The following SPTA1 variants were observed in gnomAD, a reference collection of about 807,000 sequenced individuals.
SPTA1 encodes the protein spectrin alpha, erythrocytic 1, also known as spectrin alpha chain, erythrocytic 1.
In SPTA1, 177 loss-of-function variants were observed where a neutral mutation model predicts 324.7. The ratio of observed to expected loss-of-function variants is 0.55; its 90% CI spans 0.48 to 0.62. SPTA1 has a LOEUF of 0.62. Among genes scored for constraint, SPTA1 ranks in the 20% least tolerant of loss-of-function variants. SPTA1 has a pLI of 0.00. For missense variants in SPTA1, 3,162 were observed against 2,883.6 expected (o/e 1.10, Z -2.21); for synonymous variants, 1,195 against 1,041.3 (o/e 1.15, Z -2.84).
rs1365190741 is a variant in SPTA1, at chr1:158,636,517, GACTA to G, written c.5310+120_5310+123del. ...AGAAAAGAATATTTGTAAACTCTTTGACTAACTCTCTCTGACCTTGACATCCTAT... is the reference window on the plus strand; with the variant it reads ...AGAAAAGAATATTTGTAAACTCTTTGACTCTCTCTGACCTTGACATCCTAT... On this transcript the variant is annotated intron_variant, in intron 37 of 51. Transcript: ENST00000643759. 4.5e-6 allele frequency: 5 copies of G among 1,114,212 alleles called. No individual in the cohort carries two copies. The African/African-American group carries it at 4.7e-5, about 10-fold the overall frequency. The allele number at this position is 1,114,212 out of a possible 1,614,324, so 69.0% of individuals were successfully genotyped here. A position where few individuals can be genotyped will look rare whatever the true frequency, so the allele number is the denominator to read the frequency against.
In SPTA1 at chr1:158,678,460, A is replaced by T. The variant is rs774203188; in HGVS notation, c.753T>A (p.Gly251=). 7 of 1,613,678 alleles carry T rather than the reference A, an allele frequency of 4.3e-6. No homozygotes were observed. In the South Asian group the frequency reaches 7.7e-5, roughly 18 times the overall value. ...EVNAAWERLR[G]LALQRQKALS... The stretch of plus-strand genomic sequence containing the variant: ...GAGCTTTCTGTCTCTGGAGAGCCAA[A>T]CCACGAAGGCGCTCCCAGGCAGCAT... Residue 251 remains glycine (G), a synonymous_variant, in exon 6 of 52, where the codon GGT becomes GGA. Transcript: ENST00000643759.
chr1:158,648,729 T>G, intron 25 of SPTA1, 76 bp from the exon 26 acceptor site: 1 of 1,528,844 alleles, frequency 6.5e-7, no homozygotes, highest in Non-Finnish European at 8.9e-7. Context: ...CACAAGAAAG[T>G]TATCATCACT....
chr1:158,617,912 T>G (rs1649658199), intron 46 of SPTA1, 127 bp downstream of exon 46: 2 of 947,242 alleles, frequency 2.1e-6, no homozygotes, highest in South Asian at 2.8e-5. Context: ...TCCTTCTCAC[T>G]CCACATTTTT....
chr1:158,613,689 T>C (rs1364123938), intron 50 of SPTA1, 32 bp downstream of exon 50: 4 of 1,613,384 alleles, frequency 2.5e-6, no homozygotes, highest in African/African-American at 1.3e-5. Context: ...CCCCCATCCC[T>C]GCTGCGGTCT....
At chr1:158,641,935 A>T (rs900875194) in intron 33 of SPTA1, among the ~76,000 whole-genome samples, 1 of 152,258 alleles carries the variant, frequency 6.6e-6, no homozygotes, top group African/African-American at 2.4e-5. Context: ...GGTAGACTGG[A>T]TTAAGAAAAT....
Position 158,620,229 on chromosome 1 carries a change from T to A in SPTA1, c.6358A>T (p.Thr2120Ser). The change falls in exon 44 of 52, where the codon ACC becomes TCC. Residue 2120 changes from threonine to serine, a missense_variant. Physicochemically the swap from Thr to Ser is moderately conservative, Grantham distance 58. Transcript: ENST00000643759. ...KALGVPSSPYTWLTVEVLERT... is the reference protein window; with the variant it reads ...KALGVPSSPYSWLTVEVLERT... The stretch of plus-strand genomic sequence containing the variant: ...TCCAGCACCTCCACTGTTAACCAGG[T>A]ATAAGGGCTGGAAGGCACACCTAAG... 6.2e-7 allele frequency: 1 copy of A among 1,614,134 alleles called. No homozygotes were observed. The highest frequency in any genetic ancestry group is 8.5e-7 in the Non-Finnish European group (1 of 1,180,020).
chr1:158,639,251 T>C, intron 35 of SPTA1: 1 of 307,426 alleles, frequency 3.3e-6, no homozygotes, highest in Non-Finnish European at 6.2e-6. Context: ...TTCTATAAAG[T>C]AAACTTCCAC....
intron 4 of SPTA1, 112 bp downstream of exon 4, chr1:158,681,415 G>T: frequency 6.4e-7 from 1 of 1,555,820 alleles, no homozygotes. Context: ...AAAGAACAAA[G>T]CCAGGAACAG....
At chr1:158,634,308 T>G (rs1650899129) in intron 39 of SPTA1, among the ~76,000 whole-genome samples, 2 of 152,206 alleles carry the variant, frequency 1.3e-5, no homozygotes, top group Admixed American at 1.3e-4. Context: ...GATCACAGAT[T>G]ATGGAATTAA....
Position 158,651,362 on chromosome 1 carries a change from G to A in SPTA1, c.3477+5C>T. The A allele has an allele frequency of 1.2e-6, 2 of 1,607,656 alleles. No homozygotes were observed. Among genetic ancestry groups the A allele is most frequent in the South Asian group, 1.1e-5 (1 of 90,930 alleles). ...GTGAGGAGGAATGGAGGGAGCCTTAGTTACCTGCCGGATTTGAGCTCCTTC... is the reference window on the plus strand; with the variant it reads ...GTGAGGAGGAATGGAGGGAGCCTTAATTACCTGCCGGATTTGAGCTCCTTC... On this transcript the variant is annotated splice_donor_5th_base_variant and intron_variant, in intron 24 of 51. Transcript: ENST00000643759.
intron 5 of SPTA1, among the ~76,000 whole-genome samples, chr1:158,680,246 A>C (rs1215790461): frequency 6.6e-6 from 1 of 152,142 alleles, no homozygotes; most frequent in Non-Finnish European, 1.5e-5. Context: ...TTTTTCATGA[A>C]GAAAGAGTGC....
chr1:158,631,563 T>C (rs182201777), intron 39 of SPTA1, among the ~76,000 whole-genome samples: 139 of 152,162 alleles, frequency 9.1e-4, no homozygotes, highest in Admixed American at 3.3e-3. Context: ...AAAGAACTTA[T>C]CCATATAACC....
At chr1:158,638,791 C>T (rs1383339184) in intron 35 of SPTA1, among the ~76,000 whole-genome samples, 2 of 147,296 alleles carry the variant, frequency 1.4e-5, no homozygotes, top group East Asian at 2.0e-4. Context: ...GGCAATCATT[C>T]GTTCCCATAC....
chr1:158,673,011 A>G (rs1390653853), intron 10 of SPTA1, among the ~76,000 whole-genome samples: 1 of 152,104 alleles, frequency 6.6e-6, no homozygotes, highest in South Asian at 2.1e-4. Flanking sequence ...AGTCCCAGCT[A>G]TTCAGGAGGC....
Position 158,617,630 on chromosome 1 carries a change from G to A in SPTA1, c.6549-42C>T, listed in dbSNP as rs41273517. 6,842 of 1,543,900 alleles carry A rather than the reference G, an allele frequency of 4.4e-3. 31 individuals carry two copies. The highest frequency in any genetic ancestry group is 5.3e-3 in the Non-Finnish European group (5,931 of 1,116,434). Reference sequence around the variant, plus strand: ...GGAAATCATTATGCATCACATCACAGGTCAATATTTCATACATGCATACCA... The same window carrying A: ...GGAAATCATTATGCATCACATCACAAGTCAATATTTCATACATGCATACCA... On this transcript the variant is annotated intron_variant, in intron 46 of 51. Transcript: ENST00000643759.
chr1:158,655,509 T>A (rs1248992977), intron 20 of SPTA1, among the ~76,000 whole-genome samples: 1 of 152,104 alleles, frequency 6.6e-6, no homozygotes, highest in East Asian at 1.9e-4. Context: ...TTAGGTAACA[T>A]GTTTCCTCAT....
chr1:158,661,835 C>T (rs142775410), intron 17 of SPTA1, among the ~76,000 whole-genome samples: 1 of 152,266 alleles, frequency 6.6e-6, no homozygotes, highest in African/African-American at 2.4e-5. Flanking sequence ...GAAAAAGGCA[C>T]AGTGTAACTG....
At chr1:158,659,959 A>C (rs1317942742) in intron 18 of SPTA1, among the ~76,000 whole-genome samples, 1 of 152,182 alleles carries the variant, frequency 6.6e-6, no homozygotes, top group African/African-American at 2.4e-5. Flanking sequence ...ATCCACTAAG[A>C]GTGTGTCAGA....
At position 158,675,340 on chromosome 1, in the gene SPTA1, G is replaced by T. The variant is rs143779784; in HGVS notation, c.1113-665C>A. On this transcript the variant is annotated intron_variant, in intron 8 of 51. Coordinates refer to ENST00000643759, the MANE Select transcript of SPTA1 (RefSeq NM_003126.4). ...TTCAGCTTGTATTGCATGTCTTTCA[G>T]TTCCTTATCTAGAGTCAGAATTTTG... Among the ~76,000 whole-genome samples the T allele has an allele frequency of 3.6e-3, 549 of 152,190 alleles. 1 individual carries two copies. Among genetic ancestry groups the T allele is most frequent in the Admixed American group, 5.8e-3 (88 of 15,280 alleles).
Sources: allele counts gnomAD v4.1 joint callset (sites outside exome capture counted in the v4.1 genomes callset), GRCh38; gene constraint gnomAD v4.1.1; transcripts MANE v1.5; gene names NCBI Gene and HGNC (gene_info 2026-07-23, HGNC 2026-07-21).